The following TIAM1 variants were observed in gnomAD, a reference collection of about 807,000 sequenced individuals.
TIAM1 encodes rho guanine nucleotide exchange factor TIAM1.
TIAM1 carries 65 observed loss-of-function variants against 163.5 expected under a neutral mutation model. That is an observed-to-expected ratio of 0.40 (90% confidence interval 0.33 to 0.49). The LOEUF is 0.49. Among genes scored for constraint, TIAM1 ranks in the 20% least tolerant of loss-of-function variants. The pLI is 0.77. For missense variants in TIAM1, 1,789 were observed against 2,044.7 expected, an observed-to-expected ratio of 0.87 and a Z score of 2.41; for synonymous variants, 833 against 810.1, an observed-to-expected ratio of 1.03 and a Z score of -0.48.
At chr21:31,283,680 G>A (rs1206320210) in intron 2 of TIAM1, among the ~76,000 whole-genome samples, 2 of 152,106 alleles carry the variant, frequency 1.3e-5, no homozygotes, top group Non-Finnish European at 2.9e-5. Flanking sequence ...AAGTAGTTGG[G>A]ACTACAAGCG....
chr21:31,470,440 G>T (rs2045700042), intron 1 of TIAM1, among the ~76,000 whole-genome samples: 1 of 151,748 alleles, frequency 6.6e-6, no homozygotes, highest in Non-Finnish European at 1.5e-5. Flanking sequence ...TTCAAGCGAT[G>T]CTCCTGCCTC....
At chr21:31,205,958 C>A (rs958834206) in intron 11 of TIAM1, among the ~76,000 whole-genome samples, 8 of 152,028 alleles carry the variant, frequency 5.3e-5, no homozygotes, top group Admixed American at 2.0e-4. Context: ...CAGAGTGAGA[C>A]CCTGTCTCAA....
chr21:31,496,242 C>T (rs1179135695), intron 1 of TIAM1, among the ~76,000 whole-genome samples: 1 of 152,134 alleles, frequency 6.6e-6, no homozygotes, highest in Non-Finnish European at 1.5e-5. Flanking sequence ...GTAATCCCAA[C>T]ACATTGGGAG....
chr21:31,260,775 A>G (rs1390068869), intron 4 of TIAM1, among the ~76,000 whole-genome samples: 1 of 151,840 alleles, frequency 6.6e-6, no homozygotes, highest in African/African-American at 2.4e-5. Context: ...TCGATTTTAC[A>G]TGAAAAAATT....
At chr21:31,165,653 A>C (rs977227142) in intron 15 of TIAM1, among the ~76,000 whole-genome samples, 3 of 151,970 alleles carry the variant, frequency 2.0e-5, no homozygotes, top group Non-Finnish European at 4.4e-5. Flanking sequence ...ACAACAGCCT[A>C]AGTTAAGACA....
intron 2 of TIAM1, among the ~76,000 whole-genome samples, chr21:31,421,272 G>A (rs8127555): frequency 0.056 from 8,459 of 152,226 alleles, 464 homozygotes; most frequent in African/African-American, 0.14. Flanking sequence ...GTGACTGGAC[G>A]TTGCAGCTAC....
intron 2 of TIAM1, among the ~76,000 whole-genome samples, chr21:31,330,418 T>A (rs2075640816): frequency 6.6e-6 from 1 of 152,124 alleles, no homozygotes; most frequent in Admixed American, 6.6e-5. Flanking sequence ...TTTGCATGGT[T>A]CTTTGTATTT....
chr21:31,519,325 A>G (rs1052288984), intron 1 of TIAM1, among the ~76,000 whole-genome samples: 14 of 149,052 alleles, frequency 9.4e-5, no homozygotes, highest in South Asian at 8.4e-4. Flanking sequence ...AAAAAAAAAA[A>G]AAAGAAACCT....
rs566494086 is a variant in TIAM1, at chr21:31,186,900, T to A, written c.2662+101A>T. On this transcript the variant is annotated intron_variant, in intron 14 of 27. Coordinates refer to ENST00000541036, the MANE Select transcript of TIAM1 (RefSeq NM_001353694.2). ...TCAATGAGAAAATGTTCAAATACTTTCCACAAATGAATCCTTTGGGCATAT... is the reference window on the plus strand; with the variant it reads ...TCAATGAGAAAATGTTCAAATACTTACCACAAATGAATCCTTTGGGCATAT... The A allele has an allele frequency of 1.6e-5, 16 of 984,466 alleles. 1 individual carries two copies. The South Asian group carries it at 2.0e-4, about 12-fold the overall frequency. 61.0% of individuals were successfully genotyped at this position (984,466 alleles called of 1,614,324 possible). A position where few individuals can be genotyped will look rare whatever the true frequency, so the allele number is the denominator to read the frequency against.
At chr21:31,340,834 G>A (rs1403852696) in intron 1 of TIAM1, among the ~76,000 whole-genome samples, 1 of 151,754 alleles carries the variant, frequency 6.6e-6, no homozygotes. Flanking sequence ...GCAGAGCAGT[G>A]GGTAAGATCC....
intron 1 of TIAM1, among the ~76,000 whole-genome samples, chr21:31,555,397 G>A (rs1279054147): frequency 6.6e-6 from 1 of 152,042 alleles, no homozygotes; most frequent in East Asian, 1.9e-4. Context: ...GAAAGAAAAT[G>A]TACATGTAAA....
chr21:31,260,262 G>T lies in TIAM1; in HGVS notation c.963+5748C>A, dbSNP rs543272825. Among the ~76,000 whole-genome samples the T allele has an allele frequency of 2.5e-4, 37 of 146,996 alleles. No individual in the cohort carries two copies. The South Asian group carries it at 7.7e-3, about 31-fold the overall frequency. On this transcript the variant is annotated intron_variant, in intron 4 of 27. Coordinates refer to ENST00000541036, the MANE Select transcript of TIAM1 (RefSeq NM_001353694.2). The stretch of plus-strand genomic sequence containing the variant: ...TATATACTTTTTTTTTTTTGAGACG[G>T]AGTCTCACTCTGTCGCCCAGGCTGG...
chr21:31,318,408 G>A (rs2075200042), intron 2 of TIAM1, among the ~76,000 whole-genome samples: 1 of 152,150 alleles, frequency 6.6e-6, no homozygotes, highest in Non-Finnish European at 1.5e-5. Flanking sequence ...CCCAGCCACA[G>A]GATAAAATTC....
intron 9 of TIAM1, among the ~76,000 whole-genome samples, chr21:31,215,554 T>A (rs1460553558): frequency 2.3e-5 from 3 of 129,918 alleles, no homozygotes; most frequent in Non-Finnish European, 3.1e-5. Flanking sequence ...AGAGTGAGAC[T>A]CTGTCTCAAA....
At chr21:31,218,323 T>C (rs148634442) in intron 8 of TIAM1, among the ~76,000 whole-genome samples, 1,891 of 152,224 alleles carry the variant, frequency 0.012, 51 homozygotes, top group African/African-American at 0.043. Flanking sequence ...ATCCCAGCAC[T>C]TTAGGAGGCA....
At chr21:31,382,283 T>C (rs1395597583) in intron 2 of TIAM1, among the ~76,000 whole-genome samples, 1 of 152,198 alleles carries the variant, frequency 6.6e-6, no homozygotes, top group African/African-American at 2.4e-5. Flanking sequence ...ACAAGGTAAC[T>C]AGAAACCATT....
intron 1 of TIAM1, among the ~76,000 whole-genome samples, chr21:31,545,308 C>G (rs192898408): frequency 2.3e-4 from 35 of 152,268 alleles, no homozygotes; most frequent in African/African-American, 7.7e-4. Context: ...AAGAATTTTC[C>G]CTAGGGCCCT....
chr21:31,499,260 A>T (rs1434971090), intron 1 of TIAM1, among the ~76,000 whole-genome samples: 1 of 152,078 alleles, frequency 6.6e-6, no homozygotes, highest in Non-Finnish European at 1.5e-5. Context: ...CATAAATGAC[A>T]TACTTTAACA....
intron 2 of TIAM1, among the ~76,000 whole-genome samples, chr21:31,447,287 A>T (rs3787684): frequency 0.041 from 6,166 of 152,128 alleles, 200 homozygotes; most frequent in East Asian, 0.081. Flanking sequence ...TTTTTTTTTA[A>T]TTAGCAGGGT....
Sources: allele counts gnomAD v4.1 joint callset (sites outside exome capture counted in the v4.1 genomes callset), GRCh38; gene constraint gnomAD v4.1.1; transcripts MANE v1.5; gene names NCBI Gene and HGNC (gene_info 2026-07-23, HGNC 2026-07-21).